CSTPP1: variants seen among roughly 807,000 people sequenced by gnomAD.
CSTPP1 encodes UPF0705 protein C11orf49.
At chr11:47,064,775 C>T in the CSTPP1 span, among the ~76,000 whole-genome samples, 1 of 152,098 alleles carries the variant, frequency 6.6e-6, no homozygotes, top group Non-Finnish European at 1.5e-5. Context: ...GATAGAGTCT[C>T]ACTCTGTTGC....
At chr11:46,952,341 A>G in the CSTPP1 span, among the ~76,000 whole-genome samples, 1 of 152,236 alleles carries the variant, frequency 6.6e-6, no homozygotes, top group South Asian at 2.1e-4. Context: ...CGAAGATGCA[A>G]ACATCACTTG....
At chr11:47,000,201 A>G in the CSTPP1 span, among the ~76,000 whole-genome samples, 1 of 152,230 alleles carries the variant, frequency 6.6e-6, no homozygotes, top group Non-Finnish European at 1.5e-5. Flanking sequence ...TACATCCAAG[A>G]AAATGGGCGA....
chr11:47,103,083 T>C, the CSTPP1 span, among the ~76,000 whole-genome samples: 1 of 150,650 alleles, frequency 6.6e-6, no homozygotes, highest in African/African-American at 2.4e-5. Flanking sequence ...AAGGGAATAA[T>C]TGACTAAATA....
the CSTPP1 span, among the ~76,000 whole-genome samples, chr11:47,059,202 G>C: frequency 1.3e-5 from 2 of 152,150 alleles, no homozygotes; most frequent in Non-Finnish European, 2.9e-5. Context: ...GGGGGGCTGG[G>C]GGGTGAAGGA....
chr11:47,159,330 T>A, the CSTPP1 span, among the ~76,000 whole-genome samples: 2 of 150,994 alleles, frequency 1.3e-5, no homozygotes, highest in Admixed American at 6.6e-5. Flanking sequence ...ACCAACATGG[T>A]GAAACCCCAT....
At chr11:47,096,686 A>C in the CSTPP1 span, among the ~76,000 whole-genome samples, 1 of 152,186 alleles carries the variant, frequency 6.6e-6, no homozygotes, top group Non-Finnish European at 1.5e-5. Flanking sequence ...TATTCATTTG[A>C]AATTGTTACT....
the CSTPP1 span, among the ~76,000 whole-genome samples, chr11:47,110,056 A>G: frequency 6.6e-6 from 1 of 152,110 alleles, no homozygotes; most frequent in Non-Finnish European, 1.5e-5. Context: ...CAGCCATCTC[A>G]TGTGGTCCCA....
chr11:47,130,104 A>G, the CSTPP1 span, among the ~76,000 whole-genome samples: 1 of 152,152 alleles, frequency 6.6e-6, no homozygotes, highest in Non-Finnish European at 1.5e-5. Flanking sequence ...TAAAAGTACA[A>G]AAATTAGCCA....
chr11:46,988,293 A>C, the CSTPP1 span, among the ~76,000 whole-genome samples: 3 of 152,354 alleles, frequency 2.0e-5, no homozygotes, highest in East Asian at 3.9e-4. Context: ...TTAGAGTACT[A>C]AGATTTGGAA....
At chr11:47,134,731 T>C in the CSTPP1 span, among the ~76,000 whole-genome samples, 1 of 151,958 alleles carries the variant, frequency 6.6e-6, no homozygotes, top group Non-Finnish European at 1.5e-5. Flanking sequence ...AGCAGGCACA[T>C]GGGAATAGGA....
At chr11:47,042,319 T>C in the CSTPP1 span, among the ~76,000 whole-genome samples, 53 of 151,446 alleles carry the variant, frequency 3.5e-4, no homozygotes, top group Non-Finnish European at 6.0e-4. Flanking sequence ...TAATTTTTAT[T>C]TATCTTGCTC....
the CSTPP1 span, among the ~76,000 whole-genome samples, chr11:46,979,863 C>T: frequency 2.0e-4 from 30 of 152,062 alleles, no homozygotes; most frequent in African/African-American, 6.7e-4. Context: ...CAGTGAGCCG[C>T]GATCACGCCA....
chr11:46,972,856 A>T, the CSTPP1 span, among the ~76,000 whole-genome samples: 2 of 152,228 alleles, frequency 1.3e-5, no homozygotes, highest in African/African-American at 4.8e-5. Context: ...TGATAATTAT[A>T]TTAATTAGTA....
At chr11:47,161,650 G>T in the CSTPP1 span, 37 of 1,603,126 alleles carry the variant, frequency 2.3e-5, no homozygotes, top group South Asian at 4.1e-4. Flanking sequence ...GAGTCCAAAG[G>T]GTCCTGCCCA....
chr11:47,075,368 C>G, the CSTPP1 span, among the ~76,000 whole-genome samples: 1 of 151,352 alleles, frequency 6.6e-6, no homozygotes, highest in Admixed American at 6.6e-5. Flanking sequence ...AAGACCTTGC[C>G]TCAAAAAATA....
chr11:46,992,434 T>C, the CSTPP1 span, among the ~76,000 whole-genome samples: 6 of 130,794 alleles, frequency 4.6e-5, no homozygotes, highest in Non-Finnish European at 7.7e-5. Context: ...TTTCCCATCC[T>C]GTGTCCAAGT....
chr11:47,122,091 AATATATATAT>A, the CSTPP1 span, among the ~76,000 whole-genome samples: 27 of 31,838 alleles, frequency 8.5e-4, no homozygotes, highest in African/African-American at 2.2e-3. Context: ...AAAAAAAAAA[AATATATATAT>A]ATATATATAT....
chr11:47,087,109 T>G, the CSTPP1 span, among the ~76,000 whole-genome samples: 1 of 152,226 alleles, frequency 6.6e-6, no homozygotes, highest in Non-Finnish European at 1.5e-5. Context: ...CCTGTCATGC[T>G]GAAATTCTCC....
chr11:47,102,291 T>C, the CSTPP1 span, among the ~76,000 whole-genome samples: 2 of 152,136 alleles, frequency 1.3e-5, no homozygotes, highest in Non-Finnish European at 2.9e-5. Flanking sequence ...GATGTCTTTT[T>C]TTTCTTTCTT....
Sources: gnomAD v4.1 joint callset for allele counts (sites outside exome capture counted in the v4.1 genomes callset) on GRCh38, gnomAD v4.1.1 for gene constraint, MANE v1.5 for transcripts, NCBI Gene and HGNC (gene_info 2026-07-23, HGNC 2026-07-21) for gene names.